FCN1: variants seen among roughly 807,000 people sequenced by gnomAD.
FCN1 encodes ficolin 1.
FCN1 carries 42 observed loss-of-function variants against 35.6 expected under a neutral mutation model. That is an observed-to-expected ratio of 1.18 (90% confidence interval 0.92 to 1.53). The LOEUF (loss-of-function observed/expected upper bound fraction) is 1.53. Ranked by LOEUF, FCN1 falls within the 40% of genes most tolerant of loss-of-function variation. FCN1 has a pLI of 0.00. For missense variants in FCN1, 439 were observed against 428.4 expected (o/e 1.02, Z -0.22); for synonymous variants, 179 against 169.8 (o/e 1.05, Z -0.42).
Position 134,913,076 on chromosome 9 carries a change from C to T in FCN1, c.408G>A (p.Leu136=), listed in dbSNP as rs1564219184. Residue 136 remains leucine, a synonymous_variant, in exon 6 of 9, where the codon CTG becomes CTA. Coordinates refer to ENST00000371806, the MANE Select transcript of FCN1 (RefSeq NM_002003.5). ...GCACAGTCAGGGGCCGGCAGTCGGG[C>T]AGGTAGATGGTGTGCCAGCCGCTCA... ...YFLSGWHTIY[L]PDCRPLTVLC... 1 of 1,613,636 alleles carries T rather than the reference C, an allele frequency of 6.2e-7. No individual in the cohort carries two copies. The highest frequency in any genetic ancestry group is 1.1e-5 in the South Asian group (1 of 90,978).
Position 134,911,253 on chromosome 9 carries a change from G to A in FCN1, c.613C>T (p.Arg205Cys), listed in dbSNP as rs1296171087. 4.3e-6 allele frequency: 7 copies of A among 1,614,060 alleles called. No homozygotes were observed. Among genetic ancestry groups the A allele is most frequent in the African/African-American group, 2.7e-5 (2 of 75,028 alleles). The part of the protein sequence containing the change: ...ALTAQGSSEL[R>C]VDLVDFEGNH... ...CCCTCAAAGTCCACCAGGTCTACAC[G>A]GAGCTCGCTGCTTCCTGTTGGAAAA... Residue 205 changes from arginine (R) to cysteine (C), a missense_variant, in exon 8 of 9, where the codon CGT (arginine) becomes TGT (cysteine). Coordinates refer to ENST00000371806, the MANE Select transcript of FCN1 (RefSeq NM_002003.5).
Position 134,905,378 on chromosome 9 carries a change from C to T in FCN1, c.*4420G>A, listed in dbSNP as rs1830929921. 6.6e-6 allele frequency among the ~76,000 whole-genome samples: 1 copy of T among 152,188 alleles called. No homozygotes were observed. The highest frequency in any genetic ancestry group is 2.4e-5 in the African/African-American group (1 of 41,448). On this transcript the variant is annotated 3_prime_UTR_variant, in exon 9 of 9. Transcript: ENST00000371806. ...GGAGGAGGGCTTGATTTCTTTTCAC[C>T]CATTCAGCTTTATCCCTCAAATCAC...
At chr9:134,916,587 G>T in intron 1 of FCN1, 126 bp from the exon 2 acceptor site, 1 of 926,222 alleles carries the variant, frequency 1.1e-6, no homozygotes, top group Non-Finnish European at 1.7e-6. Flanking sequence ...GAGATGTGAT[G>T]GGGGGCAGAG....
At chr9:134,912,645 C>T (rs373601973) in intron 6 of FCN1, 30 bp from the exon 7 acceptor site, 321 of 1,613,796 alleles carry the variant, frequency 2.0e-4, no homozygotes, top group Admixed American at 2.7e-4. Context: ...CAGAGTTAGG[C>T]GGGGCAGGCC....
chr9:134,914,991 G>A lies in FCN1; in HGVS notation c.218-182C>T, dbSNP rs151216474. On this transcript the variant is annotated intron_variant, in intron 2 of 8. Transcript: ENST00000371806. ...CCTGGGGGTGACTGCAGATGGAGGT[G>A]AGGGATTGAGGGAGGGGCCTGCACC... is the stretch of plus-strand genomic sequence containing the variant. Among the ~76,000 whole-genome samples, 147 of 152,214 alleles carry A rather than the reference G, an allele frequency of 9.7e-4. 1 individual carries two copies. Among genetic ancestry groups the A allele is most frequent in the African/African-American group, 3.3e-3 (138 of 41,528 alleles).
At chr9:134,916,502 C>G (rs1831094219) in intron 1 of FCN1, 41 bp from the exon 2 acceptor site, 3 of 1,585,098 alleles carry the variant, frequency 1.9e-6, no homozygotes, top group South Asian at 2.2e-5. Context: ...CCTGGCCCAA[C>G]AGTGGCTGGG....
At chr9:134,917,708 A>G in intron 1 of FCN1, 61 bp downstream of exon 1, 1 of 1,051,644 alleles carries the variant, frequency 9.5e-7, no homozygotes, top group Non-Finnish European at 1.5e-6. Context: ...GGGACACCCG[A>G]GTGTCAGTGA....
rs80219786 is a variant in FCN1, at chr9:134,905,090, G to A, written c.*4708C>T. 2.7e-3 allele frequency among the ~76,000 whole-genome samples: 415 copies of A among 152,178 alleles called. 6 individuals carry two copies. The highest frequency in any genetic ancestry group is 3.7e-3 in the Non-Finnish European group (254 of 68,000). On this transcript the variant is annotated 3_prime_UTR_variant, in exon 9 of 9. Coordinates refer to ENST00000371806, the MANE Select transcript of FCN1 (RefSeq NM_002003.5). ...TAGAAGGAATAATTTATAGTATACC[G>A]TAAAAAATCAAGGCTATATATTGCA...
At position 134,903,876 on chromosome 9, in the gene FCN1, C is replaced by G; in HGVS notation, c.*5922G>C. ...GCTATTCTATAACTGAAATTAATAACTCAATCAATGGTTTTCTATTTATAA... is the reference window on the plus strand; with the variant it reads ...GCTATTCTATAACTGAAATTAATAAGTCAATCAATGGTTTTCTATTTATAA... On this transcript the variant is annotated 3_prime_UTR_variant, in exon 9 of 9. Transcript: ENST00000371806. Among the ~76,000 whole-genome samples the G allele has an allele frequency of 6.6e-6, 1 of 152,236 alleles. No individual in the cohort carries two copies. Among genetic ancestry groups the G allele is most frequent in the South Asian group, 2.1e-4 (1 of 4,824 alleles).
At chr9:134,914,684 C>T (rs1831069707) in intron 3 of FCN1, 72 bp downstream of exon 3, 1 of 1,080,386 alleles carries the variant, frequency 9.3e-7, no homozygotes, top group East Asian at 2.6e-5. Context: ...TCTGTCTCTC[C>T]CTCCCTCATT....
chr9:134,912,194 G>T (rs994612722), intron 7 of FCN1, among the ~76,000 whole-genome samples: 17 of 152,170 alleles, frequency 1.1e-4, no homozygotes, highest in African/African-American at 3.4e-4. Context: ...ATGGGGGAAG[G>T]CTACCCCAAG....
At position 134,908,781 on chromosome 9, in the gene FCN1, A is replaced by T. The variant is rs1057054349; in HGVS notation, c.*1017T>A. ...GCCCAGTAAGGCCCAGGGACTCCAGATCTACTGAGCCAGGAGGTGGCGAGT... is the reference window on the plus strand; with the variant it reads ...GCCCAGTAAGGCCCAGGGACTCCAGTTCTACTGAGCCAGGAGGTGGCGAGT... On this transcript the variant is annotated 3_prime_UTR_variant, in exon 9 of 9. Coordinates refer to ENST00000371806, the MANE Select transcript of FCN1 (RefSeq NM_002003.5). The T allele has an allele frequency of 3.9e-5, 7 of 181,728 alleles. No individual in the cohort carries two copies. Among genetic ancestry groups the T allele is most frequent in the African/African-American group, 1.2e-4 (5 of 41,710 alleles). The allele number at this position is 181,728 out of a possible 1,614,324, so 11.3% of individuals were successfully genotyped here.
In FCN1 at chr9:134,904,635, C is replaced by T. The variant is rs1830919435; in HGVS notation, c.*5163G>A. ...CTCTACCAAAAAATACAAAAATTAG[C>T]CCAGCGTAGTGGTGCACACCTGTAG... is the stretch of plus-strand genomic sequence containing the variant. On this transcript the variant is annotated 3_prime_UTR_variant, in exon 9 of 9. Transcript: ENST00000371806. Among the ~76,000 whole-genome samples the T allele has an allele frequency of 6.6e-6, 1 of 151,984 alleles. No individual in the cohort carries two copies. Among genetic ancestry groups the T allele is most frequent in the Admixed American group, 6.6e-5 (1 of 15,248 alleles).
At position 134,912,898 on chromosome 9, in the gene FCN1, A is replaced by G. The variant is rs535594017; in HGVS notation, c.468+118T>C. On this transcript the variant is annotated intron_variant, in intron 6 of 8. Transcript: ENST00000371806. ...TTACCCACGGGTCACTTCCCCCATC[A>G]TCTATGATTGTCCCCATCCAGGGGA... 53 of 1,479,624 alleles carry G rather than the reference A, an allele frequency of 3.6e-5. No individual in the cohort carries two copies. The African/African-American group carries it at 7.1e-4, about 20-fold the overall frequency. 91.7% of individuals were successfully genotyped at this position (1,479,624 alleles called of 1,614,324 possible). A position where few individuals can be genotyped will look rare whatever the true frequency, so the allele number is the denominator to read the frequency against.
At position 134,912,708 on chromosome 9, in the gene FCN1, G is replaced by A. The variant is rs980632764; in HGVS notation, c.469-93C>T. On this transcript the variant is annotated intron_variant, in intron 6 of 8. Coordinates refer to ENST00000371806, the MANE Select transcript of FCN1 (RefSeq NM_002003.5). ...CTCCAGAGGAGCAGCATTTGTAGTTGGCAGAGCATCACAGGCCGGTGCCAC... is the reference window on the plus strand; with the variant it reads ...CTCCAGAGGAGCAGCATTTGTAGTTAGCAGAGCATCACAGGCCGGTGCCAC... 3 of 1,550,618 alleles carry A rather than the reference G, an allele frequency of 1.9e-6. No individual in the cohort carries two copies. In the African/African-American group the frequency reaches 4.1e-5, roughly 21 times the overall value.
intron 2 of FCN1, 82 bp downstream of exon 2, chr9:134,916,266 G>T: frequency 9.2e-7 from 1 of 1,085,634 alleles, no homozygotes; most frequent in South Asian, 1.3e-5. Flanking sequence ...TGGGGGTGTT[G>T]CCCAACTCTG....
At position 134,906,532 on chromosome 9, in the gene FCN1, A is replaced by G. The variant is rs1564216051; in HGVS notation, c.*3266T>C. The G allele has an allele frequency of 6.6e-6, 1 of 152,226 alleles. No individual in the cohort carries two copies. The highest frequency in any genetic ancestry group is 1.5e-5 in the Non-Finnish European group (1 of 68,038). 9.4% of individuals were successfully genotyped at this position (152,226 alleles called of 1,614,324 possible). On this transcript the variant is annotated 3_prime_UTR_variant, in exon 9 of 9. Coordinates refer to ENST00000371806, the MANE Select transcript of FCN1 (RefSeq NM_002003.5). ...AGCACTAATTAATCTTTAAAAATCT[A>G]ATAATTTAACTTAAATCTTAAGAAA...
At chr9:134,913,275 G>A in intron 5 of FCN1, 132 bp from the exon 6 acceptor site, 1 of 1,276,918 alleles carries the variant, frequency 7.8e-7, no homozygotes, top group Non-Finnish European at 1.1e-6. Context: ...CCGAGGCCTG[G>A]ACAGGGACAC....
intron 2 of FCN1, 103 bp from the exon 3 acceptor site, chr9:134,914,912 C>T: frequency 3.7e-6 from 3 of 811,862 alleles, no homozygotes; most frequent in East Asian, 5.4e-5. Flanking sequence ...CCCCACTCTG[C>T]CTTGAACCCC....
Sources: allele counts gnomAD v4.1 joint callset (sites outside exome capture counted in the v4.1 genomes callset), GRCh38; gene constraint gnomAD v4.1.1; transcripts MANE v1.5; gene names NCBI Gene and HGNC (gene_info 2026-07-23, HGNC 2026-07-21).